Variants in CCDC32 observed in about 807,000 individuals in gnomAD.
CCDC32 encodes coiled-coil domain-containing protein 32.
A neutral mutation model predicts 20.1 loss-of-function variants in CCDC32; 9 were observed. The observed-to-expected ratio is 0.45, with a 90% confidence interval of 0.27 to 0.78. The LOEUF (loss-of-function observed/expected upper bound fraction) is 0.78. Among genes scored for constraint, CCDC32 ranks in the 30% least tolerant of loss-of-function variants. CCDC32 has a pLI of 0.16. For synonymous variants in CCDC32, 63 were observed against 79.0 expected, an observed-to-expected ratio of 0.80 and a Z score of 1.07; for missense variants, 204 against 215.5, an observed-to-expected ratio of 0.95 and a Z score of 0.33.
At chr15:40,561,866 C>T (rs868812816) in intron 2 of CCDC32, 1 of 148,596 alleles carries the variant, frequency 6.7e-6, no homozygotes. Flanking sequence ...CCCTCACCGC[C>T]CTAGACTGAT....
chr15:40,534,863 C>T, downstream of CCDC32: 2 of 702,268 alleles, frequency 2.8e-6, no homozygotes, highest in South Asian at 3.0e-5. Context: ...CACAAACACA[C>T]AGTCCATTGC....
downstream of CCDC32, among the ~76,000 whole-genome samples, chr15:40,530,609 C>T (rs941523463): frequency 6.0e-5 from 9 of 151,112 alleles, no homozygotes; most frequent in Non-Finnish European, 1.0e-4. Flanking sequence ...TGATTGTAAG[C>T]TTCCTGAGGC....
chr15:40,528,050 T>C (rs1347011435), downstream of CCDC32, among the ~76,000 whole-genome samples: 2 of 152,226 alleles, frequency 1.3e-5, no homozygotes, highest in Non-Finnish European at 2.9e-5. Flanking sequence ...TGGGCAATAA[T>C]CTTTTCAACA....
chr15:40,558,553 C>T (rs1418590388), intron 2 of CCDC32, among the ~76,000 whole-genome samples: 4 of 151,920 alleles, frequency 2.6e-5, no homozygotes, highest in Admixed American at 1.3e-4. Flanking sequence ...TCTTTTGGGC[C>T]GGAAAAGGTC....
rs1889447226 is a variant in CCDC32, at chr15:40,542,711, T to C, written c.402-3356A>G. On this transcript the variant is annotated intron_variant, in intron 3 of 3. Transcript: ENST00000558113. ...GTGAAACCCCGTCTCTACTAAAAAA[T>C]ACAAAAAATTAGCCGGGCATGGTGG... 2.0e-5 allele frequency among the ~76,000 whole-genome samples: 3 copies of C among 151,380 alleles called. 1 individual carries two copies. In the South Asian group the frequency reaches 6.3e-4, roughly 32 times the overall value.
chr15:40,542,911 A>T (rs1447916226), intron 3 of CCDC32, among the ~76,000 whole-genome samples: 1 of 151,712 alleles, frequency 6.6e-6, no homozygotes, highest in East Asian at 1.9e-4. Context: ...TAATCCCAAC[A>T]CTTTGGAAGG....
At chr15:40,549,487 C>A (rs896796), downstream of CCDC32, among the ~76,000 whole-genome samples, 21,568 of 152,220 alleles carry the variant, frequency 0.14, 2,298 homozygotes, top group East Asian at 0.51. Flanking sequence ...TCTCCTACCC[C>A]ACTCCAACTG....
intron 2 of CCDC32, among the ~76,000 whole-genome samples, chr15:40,558,965 G>T (rs904099269): frequency 6.6e-6 from 1 of 151,560 alleles, no homozygotes; most frequent in Non-Finnish European, 1.5e-5. Context: ...CATCACACGT[G>T]GCTAATTTTT....
At chr15:40,537,646 A>C (rs149244317), downstream of CCDC32, 1 of 152,420 alleles carries the variant, frequency 6.6e-6, no homozygotes, top group African/African-American at 2.4e-5. Context: ...GAAAGGTTCG[A>C]GTCTCAAAAA....
chr15:40,535,271 A>G (rs1349816214), downstream of CCDC32: 7 of 1,351,572 alleles, frequency 5.2e-6, no homozygotes, highest in Admixed American at 1.3e-4. Context: ...TAATTAAATG[A>G]AACAGCCCAA....
chr15:40,563,453 C>T (rs541383970), intron 1 of CCDC32, among the ~76,000 whole-genome samples: 4 of 152,020 alleles, frequency 2.6e-5, no homozygotes, highest in African/African-American at 7.3e-5. Flanking sequence ...TATAAGGTAC[C>T]TGAGTAGTCA....
intron 1 of CCDC32, among the ~76,000 whole-genome samples, chr15:40,563,536 T>C (rs1890797984): frequency 6.6e-6 from 1 of 152,078 alleles, no homozygotes; most frequent in Non-Finnish European, 1.5e-5. Flanking sequence ...AATTACTGTT[T>C]AATGGGTACA....
downstream of CCDC32, chr15:40,536,178 G>A (rs1363852546): frequency 6.6e-6 from 1 of 152,398 alleles, no homozygotes; most frequent in East Asian, 1.9e-4. Context: ...TCTCCACTGT[G>A]ATTGAGGCTT....
At chr15:40,564,696 A>T in intron 1 of CCDC32, 1 of 1,606,190 alleles carries the variant, frequency 6.2e-7, no homozygotes, top group Non-Finnish European at 8.5e-7. Context: ...GGGTGAACTG[A>T]TGTCTAGCGC....
intron 2 of CCDC32, among the ~76,000 whole-genome samples, chr15:40,561,284 C>G (rs1298892469): frequency 6.6e-6 from 1 of 151,834 alleles, no homozygotes; most frequent in African/African-American, 2.4e-5. Flanking sequence ...ACCACTCTGA[C>G]CAACATGGTG....
intron 3 of CCDC32, among the ~76,000 whole-genome samples, chr15:40,541,825 C>T (rs752770795): frequency 6.6e-6 from 1 of 152,188 alleles, no homozygotes; most frequent in African/African-American, 2.4e-5. Flanking sequence ...CAAGAGCGAC[C>T]TTTTTGTGAT....
Position 40,564,655 on chromosome 15 carries a change from G to A in CCDC32, c.-13+321C>T, listed in dbSNP as rs1890898380. ...AGCCCAGCCAGCGTAAAGGCCGGAA[G>A]TAAAAGGGACAGCTATGACACGGCG... On this transcript the variant is annotated intron_variant, in intron 1 of 3. Coordinates refer to ENST00000416810, the MANE Select transcript of CCDC32 (RefSeq NM_001080792.4). The A allele has an allele frequency of 2.7e-6, 4 of 1,489,072 alleles. No individual in the cohort carries two copies. In the South Asian group the frequency reaches 4.5e-5, roughly 17 times the overall value. The allele number at this position is 1,489,072 out of a possible 1,614,324, so 92.2% of individuals were successfully genotyped here. A position where few individuals can be genotyped will look rare whatever the true frequency, so the allele number is the denominator to read the frequency against.
intron 3 of CCDC32, chr15:40,539,495 C>G (rs190000658): frequency 1.4e-6 from 1 of 710,100 alleles, no homozygotes; most frequent in South Asian, 1.7e-5. Flanking sequence ...GGTGTCGACA[C>G]AGCCTCAGCC....
At chr15:40,536,723 C>G (rs11857247), downstream of CCDC32, 1 of 152,124 alleles carries the variant, frequency 6.6e-6, no homozygotes. Context: ...ACTGCAAGAA[C>G]AAGTACTCAA....
Sources: allele counts gnomAD v4.1 joint callset (sites outside exome capture counted in the v4.1 genomes callset), GRCh38; gene constraint gnomAD v4.1.1; transcripts MANE v1.5; gene names NCBI Gene and HGNC (gene_info 2026-07-23, HGNC 2026-07-21).